The following PPM1H variants were observed in gnomAD, a reference collection of about 807,000 sequenced individuals.
PPM1H encodes protein phosphatase, Mg2+/Mn2+ dependent 1H, also known as protein phosphatase 1H.
A neutral mutation model predicts 54.9 loss-of-function variants in PPM1H; 27 were observed. That is an observed-to-expected ratio of 0.49 (90% CI 0.36 to 0.68). The LOEUF (loss-of-function observed/expected upper bound fraction) is 0.68, where lower values mean the gene tolerates loss of function less well. Ranked by LOEUF, PPM1H falls within the 30% of genes least tolerant of loss-of-function variation. PPM1H has a pLI of 0.00. For missense variants in PPM1H, 596 were observed against 667.8 expected (o/e 0.89, Z 1.19); for synonymous variants, 305 against 270.8 (o/e 1.13, Z -1.24).
At chr12:62,688,927 C>G (rs1017736267) in intron 8 of PPM1H, among the ~76,000 whole-genome samples, 8 of 152,246 alleles carry the variant, frequency 5.3e-5, no homozygotes, top group Non-Finnish European at 1.0e-4. Flanking sequence ...GCCCAGGAGA[C>G]AGAAGTTGCA....
At position 62,645,160 on chromosome 12, in the gene PPM1H, CCCTT is replaced by C. The variant is rs1212375719; in HGVS notation, c.*3325_*3328del. The C allele has an allele frequency of 6.6e-6, 1 of 152,152 alleles. No individual in the cohort carries two copies. The highest frequency in any genetic ancestry group is 6.5e-5 in the Admixed American group (1 of 15,284). 9.4% of individuals were successfully genotyped at this position (152,152 alleles called of 1,614,324 possible). ...ACTAGTGCTCTTGTTAAATGGAAAA[CCCTT>C]CCTGAATGGGGAAGATCTGAGGCTA... On this transcript the variant is annotated 3_prime_UTR_variant, in exon 10 of 10. Coordinates refer to ENST00000228705, the MANE Select transcript of PPM1H (RefSeq NM_020700.2).
intron 6 of PPM1H, among the ~76,000 whole-genome samples, chr12:62,710,874 TTCAC>T: frequency 6.6e-6 from 1 of 152,312 alleles, no homozygotes; most frequent in East Asian, 1.9e-4. Context: ...TGCTGACCCT[TTCAC>T]TCTCCATAAT....
intron 8 of PPM1H, among the ~76,000 whole-genome samples, chr12:62,687,126 A>C (rs1169822476): frequency 6.6e-6 from 1 of 152,358 alleles, no homozygotes; most frequent in South Asian, 2.1e-4. Flanking sequence ...TGGCCACATC[A>C]GTGGCAGAAC....
chr12:62,665,786 G>T (rs1400347215), intron 9 of PPM1H, among the ~76,000 whole-genome samples: 1 of 152,118 alleles, frequency 6.6e-6, no homozygotes, highest in African/African-American at 2.4e-5. Context: ...GCCCAGGCTG[G>T]AGTGCAGTGG....
chr12:62,701,437 A>G (rs2076143464), intron 6 of PPM1H, among the ~76,000 whole-genome samples: 1 of 152,156 alleles, frequency 6.6e-6, no homozygotes, highest in South Asian at 2.1e-4. Context: ...CTTTGTGGCA[A>G]TTTTATACAT....
At chr12:62,674,567 T>G (rs971150646) in intron 8 of PPM1H, among the ~76,000 whole-genome samples, 3 of 152,208 alleles carry the variant, frequency 2.0e-5, no homozygotes, top group Non-Finnish European at 4.4e-5. Flanking sequence ...TAGTAGTCTA[T>G]CTACTTTACT....
At chr12:62,693,366 T>C (rs1278874081) in intron 7 of PPM1H, among the ~76,000 whole-genome samples, 1 of 152,208 alleles carries the variant, frequency 6.6e-6, no homozygotes, top group African/African-American at 2.4e-5. Flanking sequence ...TGTGACCTTA[T>C]AGTCTAATTA....
At chr12:62,884,605 T>C (rs535974248) in intron 1 of PPM1H, among the ~76,000 whole-genome samples, 3 of 151,652 alleles carry the variant, frequency 2.0e-5, no homozygotes, top group South Asian at 4.2e-4. Flanking sequence ...CTATTAGGAA[T>C]GGGTGGATCC....
chr12:62,809,371 A>G (rs1158347677), intron 2 of PPM1H, among the ~76,000 whole-genome samples: 1 of 152,216 alleles, frequency 6.6e-6, no homozygotes, highest in Non-Finnish European at 1.5e-5. Flanking sequence ...TTTTAAGGAT[A>G]TGAGGATTCT....
chr12:62,789,571 G>A (rs566670471), intron 3 of PPM1H, among the ~76,000 whole-genome samples: 84 of 152,270 alleles, frequency 5.5e-4, no homozygotes, highest in Middle Eastern at 6.8e-3. Context: ...ATGGTAAAAC[G>A]TTTATAATAA....
chr12:62,651,938 G>A (rs1337291830), intron 9 of PPM1H, among the ~76,000 whole-genome samples: 1 of 152,136 alleles, frequency 6.6e-6, no homozygotes, highest in Non-Finnish European at 1.5e-5. Context: ...CCCACTCCAA[G>A]TTCTCCTGTG....
At chr12:62,889,654 A>G (rs1456165789) in intron 1 of PPM1H, among the ~76,000 whole-genome samples, 1 of 152,218 alleles carries the variant, frequency 6.6e-6, no homozygotes, top group Admixed American at 6.5e-5. Flanking sequence ...TTGACAAAGG[A>G]GCAAGAGCAA....
chr12:62,826,868 A>C (rs1182378150), intron 2 of PPM1H, among the ~76,000 whole-genome samples: 1 of 152,022 alleles, frequency 6.6e-6, no homozygotes, highest in African/African-American at 2.4e-5. Flanking sequence ...CTGTTGTTCC[A>C]TTTTTTGCTT....
chr12:62,900,633 G>A lies in PPM1H; in HGVS notation c.245+33859C>T, dbSNP rs79846078. Among the ~76,000 whole-genome samples the A allele has an allele frequency of 5.9e-3, 885 of 150,494 alleles. 6 individuals are homozygous for A. The highest frequency in any genetic ancestry group is 0.021 in the African/African-American group (841 of 40,998). ...AAAAAGGAAAGGACTACGTGGAAAC[G>A]AATGCGGGTGGAGGAGGTACTAATA... On this transcript the variant is annotated intron_variant, in intron 1 of 9. Transcript: ENST00000228705.
chr12:62,873,827 G>A (rs539971196), intron 1 of PPM1H, among the ~76,000 whole-genome samples: 3 of 152,262 alleles, frequency 2.0e-5, no homozygotes, highest in African/African-American at 4.8e-5. Context: ...TACAAATTAC[G>A]ATAATTGCCT....
At chr12:62,826,969 C>G (rs963040352) in intron 2 of PPM1H, among the ~76,000 whole-genome samples, 4 of 152,172 alleles carry the variant, frequency 2.6e-5, no homozygotes, top group African/African-American at 9.7e-5. Context: ...CAGTACCCCT[C>G]TCTTCTTGGA....
chr12:62,680,643 C>T (rs1445590788), intron 8 of PPM1H, among the ~76,000 whole-genome samples: 1 of 152,164 alleles, frequency 6.6e-6, no homozygotes, highest in Non-Finnish European at 1.5e-5. Flanking sequence ...GGACTTCCAG[C>T]CCAGACAGGT....
In PPM1H at chr12:62,667,316, T is replaced by C; in HGVS notation, c.1259A>G (p.Asp420Gly). The C allele has an allele frequency of 1.3e-6, 2 of 1,596,612 alleles. No homozygotes were observed. The highest frequency in any genetic ancestry group is 1.7e-6 in the Non-Finnish European group (2 of 1,170,624). The change falls in exon 9 of 10, where the codon GAT (aspartate) becomes GGT (glycine). Residue 420 changes from aspartate (D) to glycine (G), a missense_variant. This residue lies in a region of PPM1H where 208 missense variants were observed against 259.5 expected (regional missense o/e 0.80). Coordinates refer to ENST00000228705, the MANE Select transcript of PPM1H (RefSeq NM_020700.2). ...TGATCCATGATCATATTTTGAAAGA[T>C]CGTAGATTCTTACCTGAAAAAAAAC... ...LSSAPEVRIY[D>G]LSKYDHGSDD...
chr12:62,849,098 AG>A (rs371885879), intron 1 of PPM1H, among the ~76,000 whole-genome samples: 1 of 152,276 alleles, frequency 6.6e-6, no homozygotes, highest in East Asian at 1.9e-4. Flanking sequence ...GGGAGAGGGC[AG>A]GGGACACACA....
Sources: gnomAD v4.1 joint callset for allele counts (sites outside exome capture counted in the v4.1 genomes callset) on GRCh38, gnomAD v4.1.1 for gene constraint, gnomAD v4.1.1 regional missense constraint, MANE v1.5 for transcripts, NCBI Gene and HGNC (gene_info 2026-07-23, HGNC 2026-07-21) for gene names.